Variants in NRG1 observed in about 807,000 individuals in gnomAD.
The protein encoded by NRG1 is pro-neuregulin-1, membrane-bound isoform.
A neutral mutation model predicts 63.8 loss-of-function variants in NRG1; 18 were observed. That is an observed-to-expected ratio of 0.28 (90% CI 0.19 to 0.42). The LOEUF (loss-of-function observed/expected upper bound fraction) is 0.42, where lower values mean the gene tolerates loss of function less well. Ranked by LOEUF, NRG1 falls within the 10% of genes least tolerant of loss-of-function variation. NRG1 has a pLI of 1.00. For missense variants in NRG1, 762 were observed against 814.7 expected, an observed-to-expected ratio of 0.94 and a Z score of 0.79; for synonymous variants, 302 against 301.3, an observed-to-expected ratio of 1.00 and a Z score of -0.02.
At chr8:32,184,920 A>G (rs1281767361) in intron 1 of NRG1, among the ~76,000 whole-genome samples, 2 of 152,152 alleles carry the variant, frequency 1.3e-5, no homozygotes, top group African/African-American at 4.8e-5. Context: ...TTAGTTAAGG[A>G]CTTGGTAGCA....
At chr8:31,703,608 C>T (rs1810844546) in intron 1 of NRG1, among the ~76,000 whole-genome samples, 1 of 152,124 alleles carries the variant, frequency 6.6e-6, no homozygotes, top group African/African-American at 2.4e-5. Flanking sequence ...GCTATTAGCA[C>T]ATAGTTGATG....
intron 1 of NRG1, among the ~76,000 whole-genome samples, chr8:32,008,385 A>G (rs776133041): frequency 2.8e-4 from 43 of 152,030 alleles, no homozygotes; most frequent in Non-Finnish European, 4.9e-4. Context: ...AAGTTTAATT[A>G]TAAGAGAAAC....
intron 1 of NRG1, among the ~76,000 whole-genome samples, chr8:31,932,431 G>A (rs185391274): frequency 3.3e-4 from 50 of 152,282 alleles, no homozygotes; most frequent in Non-Finnish European, 5.3e-4. Context: ...ATCAAGCAAG[G>A]AGTTGGTTGA....
In NRG1 at chr8:31,677,506, C is replaced by T. The variant is rs116038323; in HGVS notation, c.37+38075C>T. Among the ~76,000 whole-genome samples the T allele has an allele frequency of 3.2e-3, 494 of 152,046 alleles. 4 individuals are homozygous for T. The highest frequency in any genetic ancestry group is 0.011 in the African/African-American group (475 of 41,472). On this transcript the variant is annotated intron_variant, in intron 1 of 10. Transcript: ENST00000519301. ...ATCTGTTCTCTAGTAGAAAATCCAC[C>T]GATGTCAGAGGATCACTTGAGTCTG...
intron 5 of NRG1, among the ~76,000 whole-genome samples, chr8:32,654,563 A>C (rs1201855981): frequency 7.2e-6 from 1 of 139,642 alleles, no homozygotes; most frequent in African/African-American, 2.6e-5. Flanking sequence ...TGGGAGGCGG[A>C]GGTTGCAGTG....
chr8:32,730,190 G>A (rs1225428920), intron 6 of NRG1, among the ~76,000 whole-genome samples: 1 of 152,308 alleles, frequency 6.6e-6, no homozygotes, highest in East Asian at 1.9e-4. Context: ...GTGCATGCCT[G>A]TAATCTCAAC....
chr8:32,044,913 C>CAAAAAAAAAAAAA, intron 1 of NRG1, among the ~76,000 whole-genome samples: 93 of 57,084 alleles, frequency 1.6e-3, no homozygotes, highest in Non-Finnish European at 2.2e-3. Flanking sequence ...TAAAGAAAAG[C>CAAAAAAAAAAAAA]AAAAAAAAAA....
rs1191503667 is a variant in NRG1, at chr8:32,392,207, A to AGGAT, written c.38-203619_38-203616dup. Among the ~76,000 whole-genome samples, 3 of 152,238 alleles carry AGGAT rather than the reference A, an allele frequency of 2.0e-5. 1 individual carries two copies. Among genetic ancestry groups the AGGAT allele is most frequent in the Non-Finnish European group, 4.4e-5 (3 of 68,044 alleles). On this transcript the variant is annotated intron_variant, in intron 1 of 10. Transcript: ENST00000519301. ...CAATAAGGGGACCATATATAACTGA[A>AGGAT]GGATGACTTTAGGAGTCATTGTAAA...
intron 1 of NRG1, among the ~76,000 whole-genome samples, chr8:31,935,065 C>T (rs1342313565): frequency 6.6e-6 from 1 of 152,100 alleles, no homozygotes; most frequent in African/African-American, 2.4e-5. Flanking sequence ...ATCCTCCTGC[C>T]TCGGCCTCCT....
chr8:32,255,535 C>T (rs912436875), intron 1 of NRG1, among the ~76,000 whole-genome samples: 2 of 152,186 alleles, frequency 1.3e-5, no homozygotes, highest in Non-Finnish European at 2.9e-5. Flanking sequence ...TCTCTTCTGG[C>T]TTGTAGGGTT....
chr8:32,744,986 G>A (rs1479702530), intron 7 of NRG1, among the ~76,000 whole-genome samples: 1 of 152,122 alleles, frequency 6.6e-6, no homozygotes, highest in Non-Finnish European at 1.5e-5. Context: ...ATTTAACAAA[G>A]ATTGATTGCA....
At chr8:31,976,566 C>T (rs1376264436) in intron 1 of NRG1, among the ~76,000 whole-genome samples, 1 of 151,892 alleles carries the variant, frequency 6.6e-6, no homozygotes, top group Non-Finnish European at 1.5e-5. Context: ...CTACAGAAAA[C>T]CTTTTGTTTT....
chr8:31,721,942 T>C (rs1002736107), intron 1 of NRG1, among the ~76,000 whole-genome samples: 1 of 152,162 alleles, frequency 6.6e-6, no homozygotes, highest in African/African-American at 2.4e-5. Context: ...ACAATCTACA[T>C]TGCTGCAAGA....
chr8:32,155,841 C>A (rs1269716916), intron 1 of NRG1, among the ~76,000 whole-genome samples: 1 of 152,138 alleles, frequency 6.6e-6, no homozygotes, highest in Non-Finnish European at 1.5e-5. Context: ...TCTTACTTTT[C>A]TTTTGAATAA....
chr8:32,647,818 C>A lies in NRG1; in HGVS notation c.502+30933C>A, dbSNP rs34918173. The A allele has an allele frequency of 2.5e-3, 3,959 of 1,613,906 alleles. 84 individuals are homozygous for A. In the African/African-American group the frequency reaches 0.046, roughly 19 times the overall value. The stretch of plus-strand genomic sequence containing the variant: ...GACCCATCTCTTGATGGGCTTCCGG[C>A]AGCAGAAGACATGCCAGAGCCCCAG... On this transcript the variant is annotated intron_variant, in intron 5 of 11. Transcript: ENST00000356819.
At chr8:32,635,559 A>G (rs1405198554) in intron 5 of NRG1, among the ~76,000 whole-genome samples, 3 of 151,944 alleles carry the variant, frequency 2.0e-5, no homozygotes, top group East Asian at 3.9e-4. Context: ...TTTGACAGTA[A>G]GTTAGTTATT....
intron 1 of NRG1, among the ~76,000 whole-genome samples, chr8:32,495,231 G>C (rs1440693321): frequency 2.6e-5 from 4 of 152,152 alleles, no homozygotes; most frequent in Non-Finnish European, 5.9e-5. Context: ...ATTGAATCAT[G>C]GGGGAAGGTC....
At chr8:32,404,585 C>CTTTTTTT (rs35437908) in intron 1 of NRG1, among the ~76,000 whole-genome samples, 4 of 116,964 alleles carry the variant, frequency 3.4e-5, no homozygotes, top group Admixed American at 9.6e-5. Flanking sequence ...TCTTCTTCAT[C>CTTTTTTT]TTTTTTTTTT....
At chr8:32,655,291 A>C (rs1326667996) in intron 5 of NRG1, among the ~76,000 whole-genome samples, 1 of 152,170 alleles carries the variant, frequency 6.6e-6, no homozygotes, top group African/African-American at 2.4e-5. Context: ...CATCATGCTA[A>C]AGTAGGAATT....
Sources: gnomAD v4.1 joint callset for allele counts (sites outside exome capture counted in the v4.1 genomes callset) on GRCh38, gnomAD v4.1.1 for gene constraint, MANE v1.5 for transcripts, NCBI Gene and HGNC (gene_info 2026-07-23, HGNC 2026-07-21) for gene names.